The following RPS10 variants were observed in gnomAD, a reference collection of about 807,000 sequenced individuals.
The protein encoded by RPS10 is small ribosomal subunit protein eS10.
Under a neutral mutation model 22.6 loss-of-function variants are expected in RPS10, and 2 were observed. The ratio of observed to expected loss-of-function variants is 0.09; its 90% CI spans 0.04 to 0.28. RPS10 has a LOEUF of 0.28. Among genes scored for constraint, RPS10 ranks in the 10% least tolerant of loss-of-function variants. The probability of loss-of-function intolerance (pLI) is 1.00; values close to 1 mark genes in which losing one functional copy is unlikely to be tolerated. For missense variants in RPS10, 137 were observed against 222.2 expected (o/e 0.62, Z 2.44); for synonymous variants, 70 against 75.9 (o/e 0.92, Z 0.40).
At chr6:34,419,877 C>A (rs1350790290) in intron 4 of RPS10, among the ~76,000 whole-genome samples, 1 of 152,078 alleles carries the variant, frequency 6.6e-6, no homozygotes, top group Non-Finnish European at 1.5e-5. Context: ...CGCGCCCGGC[C>A]CTGATTTATT....
At chr6:34,424,479 T>C in intron 3 of RPS10, 190 bp downstream of exon 3, 1 of 670,536 alleles carries the variant, frequency 1.5e-6, no homozygotes, top group South Asian at 1.8e-5. Context: ...TAAGGCCATC[T>C]CATGGATGGC....
At chr6:34,417,645 C>T (rs1348981149) in intron 5 of RPS10, 98 bp from the exon 6 acceptor site, 1 of 1,168,386 alleles carries the variant, frequency 8.6e-7, no homozygotes, top group East Asian at 2.4e-5. Flanking sequence ...TCCAGAGGCC[C>T]CCAAATGTAA....
intron 5 of RPS10, 40 bp downstream of exon 5, chr6:34,418,329 C>A (rs559654960): frequency 6.2e-7 from 1 of 1,613,954 alleles, no homozygotes; most frequent in Non-Finnish European, 8.5e-7. Context: ...GAGGCCAGAA[C>A]AAGTGATGGC....
At chr6:34,425,270 G>C in intron 1 of RPS10, 49 bp from the exon 2 acceptor site, 2 of 1,559,664 alleles carry the variant, frequency 1.3e-6, no homozygotes, top group Non-Finnish European at 1.7e-6. Flanking sequence ...AACGAGGCCG[G>C]GGCCCGGTAA....
At chr6:34,421,082 C>T (rs1247810081) in intron 4 of RPS10, among the ~76,000 whole-genome samples, 4 of 143,332 alleles carry the variant, frequency 2.8e-5, no homozygotes, top group Middle Eastern at 7.5e-3. Flanking sequence ...AAAAGCTCCA[C>T]ATTTTACCGA....
At chr6:34,425,401 A>G (rs1349860823) in intron 1 of RPS10, 180 bp from the exon 2 acceptor site, 2 of 722,070 alleles carry the variant, frequency 2.8e-6, no homozygotes, top group African/African-American at 1.8e-5. Context: ...CCCCAAACAC[A>G]ATTCAGGTGG....
At position 34,424,665 on chromosome 6, in the gene RPS10, A is replaced by G. The variant is rs1175818321; in HGVS notation, c.322+4T>C. The G allele has an allele frequency of 1.2e-6, 2 of 1,614,086 alleles. No homozygotes were observed. The highest frequency in any genetic ancestry group is 1.7e-6 in the Non-Finnish European group (2 of 1,179,956). ...AGCTGAAGGGATTTGTGTGGGAACCATACCTTTAGGCCGAGGCCTGCCAGT... is the reference window on the plus strand; with the variant it reads ...AGCTGAAGGGATTTGTGTGGGAACCGTACCTTTAGGCCGAGGCCTGCCAGT... On this transcript the variant is annotated splice_donor_region_variant and intron_variant, in intron 3 of 5. Coordinates refer to ENST00000648437, the MANE Select transcript of RPS10 (RefSeq NM_001014.5).
At chr6:34,421,302 G>A (rs1468465942) in intron 4 of RPS10, among the ~76,000 whole-genome samples, 1 of 151,824 alleles carries the variant, frequency 6.6e-6, no homozygotes, top group African/African-American at 2.4e-5. Flanking sequence ...TCATGCCTCA[G>A]CCTCCTAAGT....
intron 3 of RPS10, chr6:34,424,156 A>AC: frequency 6.6e-6 from 1 of 150,620 alleles, no homozygotes; most frequent in East Asian, 1.9e-4. Context: ...AAAAAAAAAA[A>AC]AAAAAAAAGC....
chr6:34,420,409 G>C (rs1393718945), intron 4 of RPS10, among the ~76,000 whole-genome samples: 1 of 151,934 alleles, frequency 6.6e-6, no homozygotes, highest in African/African-American at 2.4e-5. Context: ...GTAGAGATGG[G>C]GTTTTACCAT....
rs71538239 is a variant in RPS10, at chr6:34,424,140, T to TAAA, written c.322+526_322+528dup. On this transcript the variant is annotated intron_variant, in intron 3 of 5. Transcript: ENST00000648437. ...GCTGGGCAACAGAGCAAGACTCCGT[T>TAAA]AAAAAAAAAAAAAAAAAAAAAAAAG... The TAAA allele has an allele frequency of 5.1e-3, 252 of 49,138 alleles. 44 individuals carry two copies. Among genetic ancestry groups the TAAA allele is most frequent in the African/African-American group, 8.6e-3 (81 of 9,460 alleles). 3.0% of individuals were successfully genotyped at this position (49,138 alleles called of 1,614,324 possible).
chr6:34,420,744 CATCTGTA>C (rs1406150909), intron 4 of RPS10, among the ~76,000 whole-genome samples: 4 of 151,970 alleles, frequency 2.6e-5, no homozygotes, highest in Non-Finnish European at 5.9e-5. Flanking sequence ...CGGTGGCTCA[CATCTGTA>C]ATCCCAGCAC....
chr6:34,423,757 G>A (rs1581929998), intron 3 of RPS10, among the ~76,000 whole-genome samples: 1 of 152,022 alleles, frequency 6.6e-6, no homozygotes, highest in African/African-American at 2.4e-5. Context: ...CGCTCTGGGC[G>A]CCTATAATCC....
At position 34,425,196 on chromosome 6, in the gene RPS10, A is replaced by G. The variant is rs776004367; in HGVS notation, c.26T>C (p.Ile9Thr). MLMPKKNR[I>T]AIYELLFKEG... The stretch of plus-strand genomic sequence containing the variant: ...CTTAAAAAGGAGTTCATAAATGGCA[A>G]TCCGGTTCTTCTTAGGCATCAACAT... The change falls in exon 2 of 6, where the codon ATT becomes ACT. Residue 9 changes from isoleucine (I) to threonine (T), a missense_variant. Ile to Thr is a moderately conservative substitution (Grantham distance 89). Coordinates refer to ENST00000648437, the MANE Select transcript of RPS10 (RefSeq NM_001014.5). 1.1e-5 allele frequency: 18 copies of G among 1,612,678 alleles called. No individual in the cohort carries two copies. The highest frequency in any genetic ancestry group is 1.0e-4 in the Admixed American group (6 of 59,758).
intron 3 of RPS10, chr6:34,424,412 C>T: frequency 1.4e-5 from 7 of 502,986 alleles, no homozygotes; most frequent in Non-Finnish European, 1.8e-5. Context: ...TTCTATACCA[C>T]ATGTATCTGG....
At chr6:34,422,271 A>G (rs1055225317) in intron 3 of RPS10, among the ~76,000 whole-genome samples, 4 of 152,216 alleles carry the variant, frequency 2.6e-5, no homozygotes, top group South Asian at 4.1e-4. Flanking sequence ...GCTTCTTCAC[A>G]TACCTGTTAG....
intron 2 of RPS10, 101 bp downstream of exon 2, chr6:34,424,971 C>T: frequency 6.2e-7 from 1 of 1,609,608 alleles, no homozygotes; most frequent in Admixed American, 1.7e-5. Context: ...TTTGAACTTG[C>T]CTTGAACCTT....
chr6:34,417,760 G>T, intron 5 of RPS10: 1 of 718,938 alleles, frequency 1.4e-6, no homozygotes, highest in Admixed American at 2.0e-5. Context: ...TGGTAAAGTG[G>T]GAGTATGGCC....
Position 34,424,140 on chromosome 6 carries a change from TAAAAAAAAAA to T in RPS10, c.322+519_322+528del, listed in dbSNP as rs71538239. 3.5e-3 allele frequency: 173 copies of T among 49,166 alleles called. 1 individual carries two copies. The East Asian group carries it at 0.064, about 18-fold the overall frequency. The allele number at this position is 49,166 out of a possible 1,614,324, so 3.0% of individuals were successfully genotyped here. On this transcript the variant is annotated intron_variant, in intron 3 of 5. Transcript: ENST00000648437. ...GCTGGGCAACAGAGCAAGACTCCGT[TAAAAAAAAAA>T]AAAAAAAAAAAAAAGCAACTGTGAG...
Sources: allele counts gnomAD v4.1 joint callset (sites outside exome capture counted in the v4.1 genomes callset), GRCh38; gene constraint gnomAD v4.1.1; transcripts MANE v1.5; gene names NCBI Gene and HGNC (gene_info 2026-07-23, HGNC 2026-07-21).